The following DLGAP1 variants were observed in gnomAD, a reference collection of about 807,000 sequenced individuals.
DLGAP1 encodes the protein DLG associated protein 1.
Under a neutral mutation model 90.8 loss-of-function variants are expected in DLGAP1, and 11 were observed. The ratio of observed to expected loss-of-function variants is 0.12; its 90% CI spans 0.08 to 0.20. DLGAP1 has a LOEUF of 0.20. DLGAP1 is among the 10% of genes least tolerant of loss of function. The probability of loss-of-function intolerance (pLI) is 1.00; values close to 1 mark genes in which losing one functional copy is unlikely to be tolerated. For missense variants in DLGAP1, 1,050 were observed against 1,333.8 expected (o/e 0.79, Z 3.31); for synonymous variants, 558 against 540.7 (o/e 1.03, Z -0.44).
intron 3 of DLGAP1, chr18:3,978,377 C>T (rs547788795): frequency 1.5e-5 from 5 of 335,728 alleles, no homozygotes; most frequent in Admixed American, 3.3e-5. Flanking sequence ...CGTGGGATCT[C>T]GCCTTGGATG....
chr18:4,252,518 G>A (rs541139150), intron 1 of DLGAP1, among the ~76,000 whole-genome samples: 105 of 148,312 alleles, frequency 7.1e-4, no homozygotes, highest in Middle Eastern at 6.8e-3. Context: ...AAAGAAAAAA[G>A]CAGTGTTTCT....
chr18:4,421,605 G>A (rs943261890), intron 1 of DLGAP1, among the ~76,000 whole-genome samples: 15 of 152,080 alleles, frequency 9.9e-5, no homozygotes, highest in African/African-American at 3.6e-4. Context: ...ATTCATACAC[G>A]TTTGAAAAAA....
chr18:4,395,388 T>C (rs1482841298), intron 1 of DLGAP1, among the ~76,000 whole-genome samples: 1 of 152,004 alleles, frequency 6.6e-6, no homozygotes, highest in Non-Finnish European at 1.5e-5. Context: ...AAATAGGGGG[T>C]ATAAAGTAAA....
At chr18:4,259,440 A>T (rs1236751642) in intron 1 of DLGAP1, among the ~76,000 whole-genome samples, 1 of 152,250 alleles carries the variant, frequency 6.6e-6, no homozygotes, top group Non-Finnish European at 1.5e-5. Context: ...AGGCACAGAT[A>T]AATTATTCAT....
At chr18:4,386,672 G>T (rs187963707) in intron 1 of DLGAP1, among the ~76,000 whole-genome samples, 2 of 152,266 alleles carry the variant, frequency 1.3e-5, no homozygotes, top group Admixed American at 1.3e-4. Flanking sequence ...TAATGAGAAA[G>T]ATCACATATG....
intron 10 of DLGAP1, among the ~76,000 whole-genome samples, chr18:3,511,095 G>T (rs1347460536): frequency 6.6e-6 from 1 of 152,152 alleles, no homozygotes; most frequent in Non-Finnish European, 1.5e-5. Flanking sequence ...TGCAATTCCT[G>T]TGTCCAGGAG....
At chr18:3,676,014 C>T (rs1409914046) in intron 7 of DLGAP1, among the ~76,000 whole-genome samples, 1 of 152,106 alleles carries the variant, frequency 6.6e-6, no homozygotes, top group Non-Finnish European at 1.5e-5. Flanking sequence ...TGAAAAGCAG[C>T]CCCAGACTAT....
intron 3 of DLGAP1, among the ~76,000 whole-genome samples, chr18:3,909,941 A>T (rs1317989901): frequency 6.6e-6 from 1 of 152,156 alleles, no homozygotes; most frequent in African/African-American, 2.4e-5. Flanking sequence ...ATTTAAGTTC[A>T]GGAATCACAC....
At chr18:3,878,683 C>G (rs981357079) in intron 4 of DLGAP1, among the ~76,000 whole-genome samples, 2 of 151,860 alleles carry the variant, frequency 1.3e-5, no homozygotes, top group Non-Finnish European at 2.9e-5. Context: ...ACAATGAAAA[C>G]CACCCCACAA....
intron 7 of DLGAP1, among the ~76,000 whole-genome samples, chr18:3,592,010 AG>A (rs753731766): frequency 4.6e-5 from 7 of 152,310 alleles, no homozygotes; most frequent in Admixed American, 2.0e-4. Context: ...AACATCTGAT[AG>A]GGGGCTCAAC....
chr18:3,571,625 T>C (rs1196842801), intron 8 of DLGAP1: 1 of 152,024 alleles, frequency 6.6e-6, no homozygotes, highest in Non-Finnish European at 1.5e-5. Flanking sequence ...CCTCGGGGGT[T>C]CAAGCCATTC....
At chr18:3,521,254 A>G (rs929410688) in intron 10 of DLGAP1, among the ~76,000 whole-genome samples, 4 of 152,128 alleles carry the variant, frequency 2.6e-5, no homozygotes, top group South Asian at 2.1e-4. Context: ...AATGTTATCC[A>G]TCCCTTGCCA....
intron 3 of DLGAP1, among the ~76,000 whole-genome samples, chr18:3,907,449 A>G (rs1244912874): frequency 6.6e-6 from 1 of 152,196 alleles, no homozygotes; most frequent in East Asian, 1.9e-4. Context: ...CAGATAAAAT[A>G]TGTAAGGAAA....
intron 5 of DLGAP1, among the ~76,000 whole-genome samples, chr18:3,742,853 A>G (rs1213169956): frequency 6.6e-6 from 1 of 150,768 alleles, no homozygotes; most frequent in Non-Finnish European, 1.5e-5. Context: ...TTTTCTTTGT[A>G]TCTATTTCTT....
intron 10 of DLGAP1, among the ~76,000 whole-genome samples, chr18:3,510,411 C>A (rs899707519): frequency 2.0e-5 from 3 of 152,202 alleles, no homozygotes; most frequent in Non-Finnish European, 2.9e-5. Flanking sequence ...ACTGTGAGAG[C>A]CACACTTGCC....
chr18:4,263,424 ATT>A (rs1225755104), intron 1 of DLGAP1, among the ~76,000 whole-genome samples: 3 of 152,188 alleles, frequency 2.0e-5, no homozygotes, highest in Admixed American at 2.0e-4. Flanking sequence ...TCTTATTAAA[ATT>A]TGTTTGAAGT....
chr18:3,821,795 C>A, intron 4 of DLGAP1: 1 of 571,864 alleles, frequency 1.7e-6, no homozygotes, highest in Non-Finnish European at 2.2e-6. Context: ...AGGCTCCACC[C>A]TGGACTTTAG....
At chr18:4,056,976 T>C (rs181179498) in intron 2 of DLGAP1, among the ~76,000 whole-genome samples, 410 of 150,226 alleles carry the variant, frequency 2.7e-3, no homozygotes, top group Middle Eastern at 6.8e-3. Context: ...TTTTTTCTCA[T>C]TTGCATTTAT....
At chr18:4,067,911 T>A (rs1172859676) in intron 2 of DLGAP1, among the ~76,000 whole-genome samples, 1 of 152,086 alleles carries the variant, frequency 6.6e-6, no homozygotes, top group Non-Finnish European at 1.5e-5. Flanking sequence ...ACCAACCACC[T>A]TGGTTGTATG....
Sources: gnomAD v4.1 joint callset for allele counts (sites outside exome capture counted in the v4.1 genomes callset) on GRCh38, gnomAD v4.1.1 for gene constraint, MANE v1.5 for transcripts, NCBI Gene and HGNC (gene_info 2026-07-23, HGNC 2026-07-21) for gene names.